Variants in PDE5A observed in about 807,000 individuals in gnomAD.
PDE5A encodes phosphodiesterase 5A.
A neutral mutation model predicts 110.2 loss-of-function variants in PDE5A; 67 were observed. That is an observed-to-expected ratio of 0.61 (90% CI 0.50 to 0.75). The LOEUF (loss-of-function observed/expected upper bound fraction) is 0.75, where lower values mean the gene tolerates loss of function less well. Ranked by LOEUF, PDE5A falls within the 30% of genes least tolerant of loss-of-function variation. The pLI, the probability that PDE5A is intolerant of heterozygous loss-of-function variation, is 0.00. For synonymous variants in PDE5A, 328 were observed against 351.2 expected, an observed-to-expected ratio of 0.93 and a Z score of 0.74; for missense variants, 862 against 1,045.1, an observed-to-expected ratio of 0.82 and a Z score of 2.42.
intron 16 of PDE5A, among the ~76,000 whole-genome samples, chr4:119,506,666 T>C (rs1578726211): frequency 6.6e-6 from 1 of 151,886 alleles, no homozygotes. Flanking sequence ...TGGTTACAGG[T>C]ATTTTTCAAA....
chr4:119,614,956 C>T (rs974864231), intron 1 of PDE5A, among the ~76,000 whole-genome samples: 3 of 152,134 alleles, frequency 2.0e-5, no homozygotes, highest in South Asian at 2.1e-4. Flanking sequence ...AAGGTGCTGA[C>T]TGTCTTCAGC....
At chr4:119,549,470 A>G (rs1348151164) in intron 9 of PDE5A, 3 of 152,182 alleles carry the variant, frequency 2.0e-5, no homozygotes, top group Admixed American at 2.0e-4. Flanking sequence ...CTGTCAAACA[A>G]TGTGTGGTAC....
At chr4:119,564,256 T>G (rs190169622) in intron 5 of PDE5A, among the ~76,000 whole-genome samples, 20 of 152,202 alleles carry the variant, frequency 1.3e-4, no homozygotes, top group Non-Finnish European at 1.5e-4. Context: ...ACTTCTAAAT[T>G]CTGAGAAACT....
At chr4:119,507,168 A>G (rs1350789313) in intron 16 of PDE5A, among the ~76,000 whole-genome samples, 1 of 151,996 alleles carries the variant, frequency 6.6e-6, no homozygotes, top group Non-Finnish European at 1.5e-5. Flanking sequence ...CCAAAATCAA[A>G]TAAAAAGAAA....
chr4:119,570,812 G>A (rs1728115430), intron 3 of PDE5A, among the ~76,000 whole-genome samples: 1 of 152,152 alleles, frequency 6.6e-6, no homozygotes, highest in African/African-American at 2.4e-5. Context: ...AGCCTCAGAA[G>A]ATCTCCACTG....
At chr4:119,531,908 C>A (rs762325295) in intron 11 of PDE5A, among the ~76,000 whole-genome samples, 6 of 152,092 alleles carry the variant, frequency 3.9e-5, no homozygotes, top group Non-Finnish European at 7.4e-5. Context: ...CTCTAGTACC[C>A]AATGCTCTCC....
chr4:119,525,446 G>GT lies in PDE5A; in HGVS notation c.1779+102dup. 1 of 1,097,388 alleles carries GT rather than the reference G, an allele frequency of 9.1e-7. No individual in the cohort carries two copies. Among genetic ancestry groups the GT allele is most frequent in the South Asian group, 1.8e-5 (1 of 56,904 alleles). The allele number at this position is 1,097,388 out of a possible 1,614,324, so 68.0% of individuals were successfully genotyped here. Reference sequence around the variant, plus strand: ...GTGACAGTATATTAATCACTAAAATGTAAAAATCCCTATTCCATATTTGCA... The same window carrying GT: ...GTGACAGTATATTAATCACTAAAATGTTAAAAATCCCTATTCCATATTTGCA... On this transcript the variant is annotated intron_variant, in intron 12 of 20. Coordinates refer to ENST00000354960, the MANE Select transcript of PDE5A (RefSeq NM_001083.4). This position sits in a 1 kb window ranked among gnomAD's most constrained non-coding sequence, Gnocchi z 4.3.
At chr4:119,536,035 A>G (rs10518333) in intron 11 of PDE5A, among the ~76,000 whole-genome samples, 4,343 of 152,266 alleles carry the variant, frequency 0.029, 88 homozygotes, top group South Asian at 0.067. Flanking sequence ...ATTTCAACCA[A>G]TTTAAGTGAA....
chr4:119,511,337 A>G (rs78131348), intron 14 of PDE5A, among the ~76,000 whole-genome samples: 1 of 152,096 alleles, frequency 6.6e-6, no homozygotes. Context: ...TCAAATACCA[A>G]TGTGACCATT....
intron 9 of PDE5A, chr4:119,550,086 AAGTAT>A (rs1394760492): frequency 6.6e-6 from 1 of 152,200 alleles, no homozygotes; most frequent in Non-Finnish European, 1.5e-5. Context: ...GTAGGTACAT[AAGTAT>A]AGTCCAGAAA....
chr4:119,550,829 G>GTTTT (rs1218419985), intron 9 of PDE5A, among the ~76,000 whole-genome samples: 10 of 152,210 alleles, frequency 6.6e-5, no homozygotes, highest in Non-Finnish European at 7.4e-5. Context: ...TTATAATATA[G>GTTTT]TTTTCCCCTT....
At position 119,627,185 on chromosome 4, in the gene PDE5A, G is replaced by C. The variant is rs201573496; in HGVS notation, c.152+1335C>G. On this transcript the variant is annotated intron_variant, in intron 1 of 20. Coordinates refer to ENST00000354960, the MANE Select transcript of PDE5A (RefSeq NM_001083.4). This position sits in a 1 kb window ranked among gnomAD's most constrained non-coding sequence, Gnocchi z 4.6. The stretch of plus-strand genomic sequence containing the variant: ...CTCCAAAGGGCAACATAGCAAACGT[G>C]GGAAGTTCGTTTTCGAACTCCGCCG... 9 of 1,612,718 alleles carry C rather than the reference G, an allele frequency of 5.6e-6. No homozygotes were observed. The highest frequency in any genetic ancestry group is 5.9e-6 in the Non-Finnish European group (7 of 1,179,368).
chr4:119,498,792 CTCCCACAGGCCTGTTACAAAGGG>C, intron 20 of PDE5A, 54 bp from the exon 21 acceptor site: 1 of 1,597,940 alleles, frequency 6.3e-7, no homozygotes, highest in Non-Finnish European at 8.6e-7. Context: ...AATAAGTCCT[CTCCCACAGGCCTGTTACAAAGGG>C]CCACATCCCA....
chr4:119,500,747 ATTCTACCTCC>A (rs1299213520), intron 20 of PDE5A: 2 of 152,908 alleles, frequency 1.3e-5, no homozygotes, highest in Non-Finnish European at 2.9e-5. Context: ...AACCTGCAAT[ATTCTACCTCC>A]TTCCTTTTAA....
chr4:119,512,693 A>T (rs1004735154), intron 14 of PDE5A: 1 of 152,094 alleles, frequency 6.6e-6, no homozygotes, highest in Admixed American at 6.6e-5. Flanking sequence ...TGAATGTTAA[A>T]CTTTCTGCCT....
chr4:119,593,622 T>C (rs1024845626), intron 3 of PDE5A, among the ~76,000 whole-genome samples: 8 of 152,168 alleles, frequency 5.3e-5, no homozygotes, highest in African/African-American at 1.9e-4. Context: ...AGGGGAACAT[T>C]TGAAGTGACA....
intron 7 of PDE5A, among the ~76,000 whole-genome samples, chr4:119,558,081 C>T (rs769468841): frequency 1.3e-5 from 2 of 152,102 alleles, no homozygotes; most frequent in Non-Finnish European, 2.9e-5. Flanking sequence ...AACGGCACAA[C>T]ATTATACTCA....
At chr4:119,620,266 T>G (rs1247061615) in intron 1 of PDE5A, among the ~76,000 whole-genome samples, 3 of 152,194 alleles carry the variant, frequency 2.0e-5, no homozygotes, top group African/African-American at 7.2e-5. Flanking sequence ...TTCGCTTGGG[T>G]CTGGCATGGT....
chr4:119,497,516 AT>A lies in PDE5A; in HGVS notation c.*1084del, dbSNP rs1725118585. ...TTGTCCTATACATCAAAATATGGCA[AT>A]TTTTCAATCACAATACTGCTAAATG... On this transcript the variant is annotated 3_prime_UTR_variant, in exon 21 of 21. Coordinates refer to ENST00000354960, the MANE Select transcript of PDE5A (RefSeq NM_001083.4). 1 of 152,072 alleles carries A rather than the reference AT, an allele frequency of 6.6e-6. No individual in the cohort carries two copies. The highest frequency in any genetic ancestry group is 6.6e-5 in the Admixed American group (1 of 15,250). 9.4% of individuals were successfully genotyped at this position (152,072 alleles called of 1,614,324 possible).
Sources: gnomAD v4.1 joint callset for allele counts (sites outside exome capture counted in the v4.1 genomes callset) on GRCh38, gnomAD v4.1.1 for gene constraint, Gnocchi (gnomAD v3.1) non-coding constraint, MANE v1.5 for transcripts, NCBI Gene and HGNC (gene_info 2026-07-23, HGNC 2026-07-21) for gene names.